The following MICAL2 variants were observed in gnomAD, a reference collection of about 807,000 sequenced individuals.
The protein encoded by MICAL2 is microtubule associated monooxygenase, calponin and LIM domain containing 2, also known as [F-actin]-monooxygenase MICAL2.
Under a neutral mutation model 127.3 loss-of-function variants are expected in MICAL2, and 77 were observed. That is an observed-to-expected ratio of 0.60 (90% CI 0.50 to 0.73). The LOEUF (loss-of-function observed/expected upper bound fraction) is 0.73. Ranked by LOEUF, MICAL2 falls within the 30% of genes least tolerant of loss-of-function variation. The pLI is 0.00. For synonymous variants in MICAL2, 570 were observed against 551.1 expected (o/e 1.03, Z -0.48); for missense variants, 1,351 against 1,434.4 (o/e 0.94, Z 0.94).
intron 33 of MICAL2, chr11:12,354,779 C>A (rs752372201): frequency 6.2e-7 from 1 of 1,613,468 alleles, no homozygotes; most frequent in Non-Finnish European, 8.5e-7. Flanking sequence ...CATTTTCTCA[C>A]CCAGGGCCCA....
At position 12,283,343 on chromosome 11, in the gene MICAL2, T is replaced by TA. The variant is rs56832587; in HGVS notation, c.254+2263dup. ...AGACTCCTGGTTGCAGTGTGGAGTT[T>TA]AAAAAAAAAAAAAAAAAAAGACTCT... On this transcript the variant is annotated intron_variant, in intron 2 of 2. Coordinates refer to the MICAL2 transcript ENST00000529028. Among the ~76,000 whole-genome samples, 582 of 132,576 alleles carry TA rather than the reference T, an allele frequency of 4.4e-3. 6 individuals are homozygous for TA. The highest frequency in any genetic ancestry group is 8.1e-3 in the African/African-American group (295 of 36,508). The allele number at this position is 132,576 out of a possible 152,430, so 87.0% of individuals were successfully genotyped here. A position where few individuals can be genotyped will look rare whatever the true frequency, so the allele number is the denominator to read the frequency against.
intron 3 of MICAL2, among the ~76,000 whole-genome samples, chr11:12,179,735 G>T (rs1238201563): frequency 6.6e-6 from 1 of 150,660 alleles, no homozygotes; most frequent in Non-Finnish European, 1.5e-5. Context: ...CTCGAGGGCT[G>T]CCTGGCACTG....
In MICAL2 at chr11:12,261,445, G is replaced by A. The variant is rs528136446; in HGVS notation, c.3335-1035G>A. On this transcript the variant is annotated intron_variant, in intron 26 of 27. Coordinates refer to ENST00000683283, the MANE Select transcript of MICAL2 (RefSeq NM_001282663.2). ...GTTCTTACTCTGGGTATCTAGAAGAGTCCTCAGCTCTCCCTACTCCACGCT... is the reference window on the plus strand; with the variant it reads ...GTTCTTACTCTGGGTATCTAGAAGAATCCTCAGCTCTCCCTACTCCACGCT... The A allele has an allele frequency of 6.1e-6, 6 of 985,498 alleles. No homozygotes were observed. In the African/African-American group the frequency reaches 7.0e-5, roughly 11 times the overall value. 61.0% of individuals were successfully genotyped at this position (985,498 alleles called of 1,614,324 possible).
chr11:12,316,402 C>T (rs1372473253), intron 29 of MICAL2, among the ~76,000 whole-genome samples: 5 of 148,224 alleles, frequency 3.4e-5, no homozygotes, highest in African/African-American at 4.9e-5. Flanking sequence ...AAATTTATTC[C>T]TAGGTGGTTT....
intron 27 of MICAL2, 34 bp downstream of exon 27, chr11:12,262,571 G>A: frequency 2.5e-6 from 4 of 1,573,540 alleles, no homozygotes; most frequent in East Asian, 4.5e-5. Flanking sequence ...TCAAAGAGTG[G>A]TACTAACCCC....
chr11:12,294,892 C>T (rs1381917759), downstream of MICAL2: 1 of 1,426,590 alleles, frequency 7.0e-7, no homozygotes, highest in South Asian at 1.6e-5. Context: ...GTCTGCCCTT[C>T]ATGCTGGGCA....
At chr11:12,248,750 G>GACCTGGTAGGAGGATACATCTCAGGGAC (rs1861122122) in intron 21 of MICAL2, among the ~76,000 whole-genome samples, 1 of 149,652 alleles carries the variant, frequency 6.7e-6, no homozygotes, top group Non-Finnish European at 1.5e-5. Flanking sequence ...GCCTTTGTTT[G>GACCTGGTAGGAGGATACATCTCAGGGAC]ACCTGGTAGG....
At chr11:12,315,427 C>T (rs1864220864) in intron 29 of MICAL2, among the ~76,000 whole-genome samples, 1 of 152,114 alleles carries the variant, frequency 6.6e-6, no homozygotes, top group Non-Finnish European at 1.5e-5. Context: ...GTCTGGGTGA[C>T]AGAGTGAGAC....
intron 32 of MICAL2, chr11:12,349,776 G>A: frequency 6.5e-7 from 1 of 1,529,128 alleles, no homozygotes; most frequent in East Asian, 2.3e-5. Flanking sequence ...GTGGCTCAAA[G>A]CAGTTTGATC....
At chr11:12,211,069 G>A (rs1358429656) in intron 6 of MICAL2, among the ~76,000 whole-genome samples, 17 of 152,202 alleles carry the variant, frequency 1.1e-4, no homozygotes, top group Non-Finnish European at 1.2e-4. Flanking sequence ...ACTTAAAAGA[G>A]GACTATTGAA....
downstream of MICAL2, among the ~76,000 whole-genome samples, chr11:12,267,583 C>G (rs1863623171): frequency 6.6e-6 from 1 of 152,126 alleles, no homozygotes; most frequent in East Asian, 1.9e-4. Context: ...TCAACCTCCT[C>G]AACAAAACAG....
chr11:12,266,805 G>A (rs1164791671), downstream of MICAL2, among the ~76,000 whole-genome samples: 1 of 152,222 alleles, frequency 6.6e-6, no homozygotes, highest in Admixed American at 6.5e-5. Context: ...TGACTCAGTG[G>A]CATTAGACAG....
At chr11:12,315,765 G>T (rs11022298) in intron 29 of MICAL2, among the ~76,000 whole-genome samples, 1 of 152,030 alleles carries the variant, frequency 6.6e-6, no homozygotes, top group Non-Finnish European at 1.5e-5. Context: ...GTTTAATAGC[G>T]TGTACAAGTC....
intron 32 of MICAL2, among the ~76,000 whole-genome samples, chr11:12,346,634 G>A (rs984829858): frequency 3.3e-5 from 5 of 152,046 alleles, no homozygotes; most frequent in African/African-American, 4.8e-5. Flanking sequence ...GCTTTCCCTC[G>A]CTTTCTCCAC....
chr11:12,287,410 C>A (rs1180977982), downstream of MICAL2: 2 of 331,938 alleles, frequency 6.0e-6, no homozygotes, highest in Non-Finnish European at 5.4e-6. Context: ...AATTATGGAG[C>A]CTTAGGATTC....
intron 22 of MICAL2, chr11:12,254,860 G>T (rs528664102): frequency 1.4e-5 from 2 of 143,872 alleles, no homozygotes; most frequent in African/African-American, 2.6e-5. Flanking sequence ...TTTTTTCCTC[G>T]AATTTTTTTA....
intron 23 of MICAL2, chr11:12,256,318 C>G (rs1378452858): frequency 6.3e-6 from 1 of 159,654 alleles, no homozygotes; most frequent in Admixed American, 6.1e-5. Context: ...ATGCCACAAG[C>G]TTTCCTCACC....
rs767819189 is a variant in MICAL2 at position 12,216,305 on chromosome 11, G to T, written c.934G>T (p.Gly312Cys). Residue 312 changes from glycine (G) to cysteine (C), a missense_variant, in exon 8 of 28, where the codon GGT (glycine) becomes TGT (cysteine). Physicochemically the swap from Gly to Cys is radical, Grantham distance 159. Coordinates refer to ENST00000683283, the MANE Select transcript of MICAL2 (RefSeq NM_001282663.2). ...TAKKQSLLDK[G>C]VIINDYIDTE... Reference sequence around the variant, plus strand: ...CAAGAAGCAGAGCCTGCTCGACAAAGGTGTCATCATTAACGTACGTACCTC... The same window carrying T: ...CAAGAAGCAGAGCCTGCTCGACAAATGTGTCATCATTAACGTACGTACCTC... The T allele has an allele frequency of 2.5e-6, 4 of 1,613,586 alleles. No individual in the cohort carries two copies. Among genetic ancestry groups the T allele is most frequent in the East Asian group, 2.2e-5 (1 of 44,886 alleles).
At chr11:12,250,371 C>T (rs1861379111) in intron 22 of MICAL2, 1 of 152,176 alleles carries the variant, frequency 6.6e-6, no homozygotes, top group Non-Finnish European at 1.5e-5. Context: ...GGTATCCATT[C>T]CCTCAAGCAT....
Sources: allele counts gnomAD v4.1 joint callset (sites outside exome capture counted in the v4.1 genomes callset), GRCh38; gene constraint gnomAD v4.1.1; transcripts MANE v1.5; gene names NCBI Gene and HGNC (gene_info 2026-07-23, HGNC 2026-07-21).